Variants in EPHA3 observed in about 807,000 individuals in gnomAD.
The protein encoded by EPHA3 is ephrin type-A receptor 3.
A neutral mutation model predicts 107.1 loss-of-function variants in EPHA3; 42 were observed. That is an observed-to-expected ratio of 0.39 (90% CI 0.31 to 0.51). The LOEUF (loss-of-function observed/expected upper bound fraction) is 0.51, where lower values mean the gene tolerates loss of function less well. Among genes scored for constraint, EPHA3 ranks in the 20% least tolerant of loss-of-function variants. The pLI is 0.78. For missense variants in EPHA3, 1,183 were observed against 1,211.2 expected (o/e 0.98, Z 0.35); for synonymous variants, 461 against 424.8 (o/e 1.09, Z -1.05).
chr3:89,311,458 G>A (rs1706764247), intron 3 of EPHA3, among the ~76,000 whole-genome samples: 1 of 152,008 alleles, frequency 6.6e-6, no homozygotes. Context: ...TGTGATTTGA[G>A]TAACAGAGGA....
intron 3 of EPHA3, among the ~76,000 whole-genome samples, chr3:89,245,897 A>G (rs1246017384): frequency 6.6e-6 from 1 of 152,226 alleles, no homozygotes; most frequent in African/African-American, 2.4e-5. Flanking sequence ...GAGGATAATA[A>G]GGTTACGTAA....
chr3:89,326,746 T>C (rs902683873), intron 3 of EPHA3, among the ~76,000 whole-genome samples: 4 of 152,068 alleles, frequency 2.6e-5, no homozygotes, highest in African/African-American at 7.2e-5. Context: ...AATCCATAGA[T>C]GCAGAACCCA....
chr3:89,331,552 G>A (rs1196744785), intron 3 of EPHA3, among the ~76,000 whole-genome samples: 2 of 151,942 alleles, frequency 1.3e-5, no homozygotes, highest in Non-Finnish European at 2.9e-5. Flanking sequence ...ATATAACTTT[G>A]TGTAGATGAA....
chr3:89,140,963 C>G (rs9839323), intron 2 of EPHA3, among the ~76,000 whole-genome samples: 1 of 151,588 alleles, frequency 6.6e-6, no homozygotes, highest in African/African-American at 2.4e-5. Flanking sequence ...TTCGATATAT[C>G]ATTTCATTTA....
chr3:89,365,988 A>G, intron 5 of EPHA3, among the ~76,000 whole-genome samples: 1 of 150,796 alleles, frequency 6.6e-6, no homozygotes, highest in East Asian at 1.9e-4. Flanking sequence ...AATCAGGCCT[A>G]TGACTTAGAA....
At position 89,472,543 on chromosome 3, in the gene EPHA3, T is replaced by G; in HGVS notation, c.2770T>G (p.Trp924Gly). 2 of 1,613,824 alleles carry G rather than the reference T, an allele frequency of 1.2e-6. No homozygotes were observed. Among genetic ancestry groups the G allele is most frequent in the Non-Finnish European group, 1.7e-6 (2 of 1,179,948 alleles). The change falls in exon 16 of 17, where the codon TGG (tryptophan) becomes GGG (glycine). Residue 924 changes from tryptophan to glycine, a missense_variant. Coordinates refer to ENST00000336596, the MANE Select transcript of EPHA3 (RefSeq NM_005233.6). Reference protein sequence around the residue: ...RTTGDWLNGVWTAHCKEIFTG... With the variant: ...RTTGDWLNGVGTAHCKEIFTG... ...AACAGGTGACTGGCTTAATGGTGTC[T>G]GGACAGCACACTGCAAGGAAATCTT...
intron 5 of EPHA3, among the ~76,000 whole-genome samples, chr3:89,386,187 G>A (rs1708617484): frequency 1.3e-5 from 2 of 152,302 alleles, no homozygotes; most frequent in East Asian, 3.9e-4. Flanking sequence ...CAAGCTGGCT[G>A]CATAAATTTG....
rs185701350 is a variant in EPHA3 at position 89,292,028 on chromosome 3, G to T, written c.815-48888G>T. ...CCCAATGAAACTTTAGTCTCTCTGAGAATAGTAAGACCAATTATTCTATAG... is the reference window on the plus strand; with the variant it reads ...CCCAATGAAACTTTAGTCTCTCTGATAATAGTAAGACCAATTATTCTATAG... On this transcript the variant is annotated intron_variant, in intron 3 of 16. Coordinates refer to ENST00000336596, the MANE Select transcript of EPHA3 (RefSeq NM_005233.6). 1.4e-4 allele frequency among the ~76,000 whole-genome samples: 22 copies of T among 152,206 alleles called. No homozygotes were observed. The East Asian group carries it at 4.2e-3, about 29-fold the overall frequency.
At chr3:89,232,145 T>A (rs1370819896) in intron 3 of EPHA3, among the ~76,000 whole-genome samples, 2 of 152,074 alleles carry the variant, frequency 1.3e-5, no homozygotes, top group African/African-American at 2.4e-5. Flanking sequence ...TGAGCCCCAA[T>A]GGGACCACAG....
intron 15 of EPHA3, 134 bp from the exon 16 acceptor site, chr3:89,472,330 G>T: frequency 3.2e-6 from 3 of 946,526 alleles, no homozygotes; most frequent in Non-Finnish European, 4.7e-6. Flanking sequence ...AGCTTTCATG[G>T]CAGATAAATT....
intron 2 of EPHA3, among the ~76,000 whole-genome samples, chr3:89,208,399 A>AAAGGAAGGAAGGAAGG (rs11272670): frequency 0.064 from 1,716 of 26,838 alleles, 437 homozygotes; most frequent in Middle Eastern, 0.14. Flanking sequence ...GAAAGAAAGA[A>AAAGGAAGGAAGGAAGG]AAGGAAGGAA....
At chr3:89,235,433 T>C (rs1254864030) in intron 3 of EPHA3, among the ~76,000 whole-genome samples, 2 of 152,158 alleles carry the variant, frequency 1.3e-5, no homozygotes, top group African/African-American at 4.8e-5. Context: ...ATTCTTTACT[T>C]TCTTAGTATA....
chr3:89,386,722 G>A (rs1708630393), intron 5 of EPHA3, among the ~76,000 whole-genome samples: 1 of 152,154 alleles, frequency 6.6e-6, no homozygotes, highest in South Asian at 2.1e-4. Flanking sequence ...ACCTGGAAAA[G>A]CCACAAACAC....
intron 1 of EPHA3, among the ~76,000 whole-genome samples, chr3:89,121,806 G>A (rs1707395836): frequency 1.3e-5 from 2 of 151,346 alleles, no homozygotes; most frequent in Admixed American, 1.3e-4. Flanking sequence ...AATACAAACA[G>A]GAAGTCCACA....
chr3:89,333,893 TAAAA>T (rs1422302686), intron 3 of EPHA3, among the ~76,000 whole-genome samples: 1 of 151,296 alleles, frequency 6.6e-6, no homozygotes, highest in African/African-American at 2.4e-5. Flanking sequence ...AAAAAAAAAA[TAAAA>T]AACCTCACTG....
At chr3:89,223,780 G>C (rs560009352) in intron 3 of EPHA3, among the ~76,000 whole-genome samples, 2 of 152,156 alleles carry the variant, frequency 1.3e-5, no homozygotes, top group African/African-American at 4.8e-5. Flanking sequence ...TGTAGATCTA[G>C]AATAATATCT....
chr3:89,190,350 C>T (rs188540640), intron 2 of EPHA3, among the ~76,000 whole-genome samples: 1 of 152,162 alleles, frequency 6.6e-6, no homozygotes, highest in East Asian at 1.9e-4. Flanking sequence ...TCTATGAAAA[C>T]AAATGAATCA....
chr3:89,213,208 C>T (rs9852594), intron 3 of EPHA3, among the ~76,000 whole-genome samples: 6 of 151,936 alleles, frequency 3.9e-5, no homozygotes, highest in African/African-American at 1.4e-4. Flanking sequence ...AGAAGCATTC[C>T]TTTCTAGTTG....
At chr3:89,274,204 AT>A (rs1705749458) in intron 3 of EPHA3, among the ~76,000 whole-genome samples, 1 of 151,906 alleles carries the variant, frequency 6.6e-6, no homozygotes, top group South Asian at 2.1e-4. Context: ...GTTATTTTCT[AT>A]TTACCCACCA....
Sources: gnomAD v4.1 joint callset for allele counts (sites outside exome capture counted in the v4.1 genomes callset) on GRCh38, gnomAD v4.1.1 for gene constraint, MANE v1.5 for transcripts, NCBI Gene and HGNC (gene_info 2026-07-23, HGNC 2026-07-21) for gene names.